Variants in LRRC7 observed in about 807,000 individuals in gnomAD.
LRRC7 encodes leucine-rich repeat-containing protein 7.
Under a neutral mutation model 175.7 loss-of-function variants are expected in LRRC7, and 23 were observed. The ratio of observed to expected loss-of-function variants is 0.13; its 90% CI spans 0.09 to 0.19. The LOEUF (loss-of-function observed/expected upper bound fraction) is 0.19, where lower values mean the gene tolerates loss of function less well. LRRC7 is among the 10% of genes least tolerant of loss of function. LRRC7 has a pLI of 1.00. For missense variants in LRRC7, 1,354 were observed against 1,904.7 expected (o/e 0.71, Z 5.38); for synonymous variants, 685 against 680.9 (o/e 1.01, Z -0.09).
chr1:69,569,384 A>G (rs758652805), intron 1 of LRRC7, among the ~76,000 whole-genome samples: 5 of 151,956 alleles, frequency 3.3e-5, no homozygotes, highest in African/African-American at 1.2e-4. Flanking sequence ...GAACCTGCCT[A>G]TTCCCAATCC....
chr1:69,642,224 T>A (rs1208328708), intron 1 of LRRC7, among the ~76,000 whole-genome samples: 1 of 152,026 alleles, frequency 6.6e-6, no homozygotes, highest in Non-Finnish European at 1.5e-5. Context: ...TATTTTTACA[T>A]GGGTACCATA....
intron 7 of LRRC7, among the ~76,000 whole-genome samples, chr1:69,899,923 T>A (rs868325293): frequency 1.3e-5 from 2 of 152,324 alleles, no homozygotes; most frequent in Middle Eastern, 3.4e-3. Flanking sequence ...TAAGCTTCTC[T>A]TCTTTATAAA....
At chr1:69,603,596 T>C (rs1471473829) in intron 1 of LRRC7, among the ~76,000 whole-genome samples, 1 of 152,170 alleles carries the variant, frequency 6.6e-6, no homozygotes, top group Non-Finnish European at 1.5e-5. Flanking sequence ...AAATAGGATA[T>C]CTGTTTGTCT....
At chr1:69,667,179 A>T (rs950317240) in intron 1 of LRRC7, among the ~76,000 whole-genome samples, 1 of 152,046 alleles carries the variant, frequency 6.6e-6, no homozygotes, top group African/African-American at 2.4e-5. Context: ...GCTTAATATT[A>T]TTTCACATTT....
At position 70,038,895 on chromosome 1, in the gene LRRC7, G is replaced by A; in HGVS notation, c.3071G>A (p.Gly1024Glu). ...GSHERPDKML[G>E]PEHGMSSMSR... is the part of the protein sequence containing the mutation. Reference sequence around the variant, plus strand: ...CACGAACGACCGGATAAGATGCTGGGACCAGAGCATGGTATGTCCAGTATG... The same window carrying A: ...CACGAACGACCGGATAAGATGCTGGAACCAGAGCATGGTATGTCCAGTATG... The change falls in exon 21 of 27, where the codon GGA (glycine) becomes GAA (glutamate). Residue 1024 changes from glycine to glutamate, a missense_variant. Gly to Glu is a moderately conservative substitution (Grantham distance 98, BLOSUM62 -2). Transcript: ENST00000651989. 1 of 1,614,020 alleles carries A rather than the reference G, an allele frequency of 6.2e-7. No homozygotes were observed. The highest frequency in any genetic ancestry group is 1.1e-5 in the South Asian group (1 of 91,068).
At chr1:70,058,812 A>G (rs4650022) in intron 23 of LRRC7, among the ~76,000 whole-genome samples, 23,393 of 152,200 alleles carry the variant, frequency 0.15, 2,858 homozygotes, top group African/African-American at 0.33. Context: ...TAAATGCAAA[A>G]ACATGTTATT....
At chr1:69,833,651 G>A (rs1272991007) in intron 5 of LRRC7, among the ~76,000 whole-genome samples, 1 of 151,998 alleles carries the variant, frequency 6.6e-6, no homozygotes, top group African/African-American at 2.4e-5. Context: ...AGAAGGAAGA[G>A]AAGCAGGAAA....
chr1:70,118,512 G>A (rs914238422), intron 26 of LRRC7, among the ~76,000 whole-genome samples: 109 of 152,238 alleles, frequency 7.2e-4, no homozygotes, highest in African/African-American at 2.5e-3. Flanking sequence ...AGGTGATACA[G>A]CAACAATTTT....
chr1:69,768,147 T>C (rs979007874), intron 3 of LRRC7, among the ~76,000 whole-genome samples: 17 of 152,140 alleles, frequency 1.1e-4, no homozygotes, highest in African/African-American at 4.1e-4. Context: ...CACTGGCCCA[T>C]GAAATAGCAG....
intron 26 of LRRC7, among the ~76,000 whole-genome samples, chr1:70,109,253 C>T (rs537665050): frequency 6.6e-6 from 1 of 152,234 alleles, no homozygotes; most frequent in East Asian, 1.9e-4. Context: ...AACTCCCAAC[C>T]TCAGGTGGTC....
chr1:69,800,443 G>T (rs552674980), intron 4 of LRRC7, among the ~76,000 whole-genome samples: 6 of 151,782 alleles, frequency 4.0e-5, no homozygotes, highest in Non-Finnish European at 5.9e-5. Context: ...AGTTTTCTTT[G>T]TACAGATATT....
intron 1 of LRRC7, among the ~76,000 whole-genome samples, chr1:69,602,241 T>C (rs1647103883): frequency 6.6e-6 from 1 of 152,188 alleles, no homozygotes; most frequent in Non-Finnish European, 1.5e-5. Context: ...ATCTAATACA[T>C]ACATTTCATT....
intron 3 of LRRC7, among the ~76,000 whole-genome samples, chr1:69,781,117 T>C (rs908514846): frequency 3.3e-5 from 5 of 152,180 alleles, no homozygotes; most frequent in Admixed American, 6.5e-5. Flanking sequence ...ATCCAAATTA[T>C]GATTTTTGCA....
chr1:69,739,972 A>G (rs1338756122), intron 2 of LRRC7, among the ~76,000 whole-genome samples: 4 of 152,136 alleles, frequency 2.6e-5, no homozygotes, highest in Admixed American at 2.6e-4. Flanking sequence ...GTGTTTACAG[A>G]TATGAGCAGC....
chr1:69,662,253 CCATT>C (rs1657579119), intron 1 of LRRC7, among the ~76,000 whole-genome samples: 1 of 148,314 alleles, frequency 6.7e-6, no homozygotes, highest in Admixed American at 6.8e-5. Flanking sequence ...ATTGCTAAAA[CCATT>C]CATTCAATCA....
At chr1:69,732,004 G>C (rs1467636016) in intron 2 of LRRC7, among the ~76,000 whole-genome samples, 5 of 151,886 alleles carry the variant, frequency 3.3e-5, no homozygotes, top group Non-Finnish European at 5.9e-5. Flanking sequence ...TAAAATACTA[G>C]ACAAAGTGTT....
At chr1:69,917,976 A>G (rs990117714) in intron 7 of LRRC7, among the ~76,000 whole-genome samples, 1 of 152,188 alleles carries the variant, frequency 6.6e-6, no homozygotes, top group Non-Finnish European at 1.5e-5. Context: ...TGATTTTCAT[A>G]ACAAGTTTCT....
intron 1 of LRRC7, among the ~76,000 whole-genome samples, chr1:69,583,820 A>T (rs1342448577): frequency 6.6e-6 from 1 of 152,124 alleles, no homozygotes; most frequent in African/African-American, 2.4e-5. Flanking sequence ...TCTTTGATTG[A>T]CAAAGGGTGA....
chr1:69,790,693 G>T (rs574835066), intron 3 of LRRC7, among the ~76,000 whole-genome samples: 1 of 151,950 alleles, frequency 6.6e-6, no homozygotes, highest in African/African-American at 2.4e-5. Flanking sequence ...ACTTATACCA[G>T]GAGTGTAGGC....
Sources: allele counts gnomAD v4.1 joint callset (sites outside exome capture counted in the v4.1 genomes callset), GRCh38; gene constraint gnomAD v4.1.1; transcripts MANE v1.5; gene names NCBI Gene and HGNC (gene_info 2026-07-23, HGNC 2026-07-21).